The following KALRN variants were observed in gnomAD, a reference collection of about 807,000 sequenced individuals.
The protein encoded by KALRN is kalirin.
In KALRN, 70 loss-of-function variants were observed where a neutral mutation model predicts 353.7. That is an observed-to-expected ratio of 0.20 (90% CI 0.16 to 0.24). The LOEUF is 0.24. KALRN is among the 10% of genes least tolerant of loss of function. KALRN has a pLI of 1.00. For missense variants in KALRN, 2,791 were observed against 3,756.7 expected, an observed-to-expected ratio of 0.74 and a Z score of 6.72; for synonymous variants, 1,391 against 1,434.8, an observed-to-expected ratio of 0.97 and a Z score of 0.69.
At chr3:124,216,415 T>C (rs926733191) in intron 1 of KALRN, among the ~76,000 whole-genome samples, 2 of 152,214 alleles carry the variant, frequency 1.3e-5, no homozygotes, top group African/African-American at 4.8e-5. Flanking sequence ...ATAGATCCCG[T>C]TGAAAATCTG....
chr3:124,198,679 C>A (rs1378208866), intron 1 of KALRN, among the ~76,000 whole-genome samples: 1 of 152,056 alleles, frequency 6.6e-6, no homozygotes, highest in Non-Finnish European at 1.5e-5. Context: ...CCATTCAGCT[C>A]CTATAATTGC....
intron 1 of KALRN, among the ~76,000 whole-genome samples, chr3:124,146,496 A>G (rs2067342661): frequency 6.6e-6 from 1 of 152,190 alleles, no homozygotes; most frequent in Admixed American, 6.5e-5. Context: ...GCTCGAGGAG[A>G]AGCACTGGAC....
chr3:124,431,909 A>G (rs558745426), intron 16 of KALRN, among the ~76,000 whole-genome samples: 1 of 152,348 alleles, frequency 6.6e-6, no homozygotes, highest in Non-Finnish European at 1.5e-5. Context: ...CATTACTAGT[A>G]CTAGAAGAAC....
chr3:124,076,089 A>G (rs2060247173), intron 1 of KALRN, among the ~76,000 whole-genome samples: 1 of 152,216 alleles, frequency 6.6e-6, no homozygotes, highest in African/African-American at 2.4e-5. Flanking sequence ...GACTAAGAGA[A>G]TGGGCTGAAG....
chr3:124,672,004 A>G, intron 48 of KALRN, 106 bp downstream of exon 48: 3 of 852,468 alleles, frequency 3.5e-6, no homozygotes, highest in South Asian at 1.5e-5. Flanking sequence ...GCTGGAGTGC[A>G]ATGGCACCAT....
intron 1 of KALRN, among the ~76,000 whole-genome samples, chr3:124,174,719 C>A (rs557621263): frequency 6.6e-6 from 1 of 152,336 alleles, no homozygotes; most frequent in South Asian, 2.1e-4. Context: ...CTCCTCTCCC[C>A]CTACAGAGCA....
chr3:124,591,141 A>AAG (rs2075729232), intron 34 of KALRN, among the ~76,000 whole-genome samples: 1 of 152,202 alleles, frequency 6.6e-6, no homozygotes, highest in South Asian at 2.1e-4. Context: ...GTCTGCTTTC[A>AAG]AGGGACTCTT....
chr3:124,380,763 G>A (rs2087245065), intron 10 of KALRN, among the ~76,000 whole-genome samples: 1 of 152,142 alleles, frequency 6.6e-6, no homozygotes, highest in Non-Finnish European at 1.5e-5. Flanking sequence ...GTATTGCTTT[G>A]GTAATACTTT....
At chr3:124,383,812 G>A (rs1014351289) in intron 10 of KALRN, among the ~76,000 whole-genome samples, 1 of 152,052 alleles carries the variant, frequency 6.6e-6, no homozygotes, top group African/African-American at 2.4e-5. Flanking sequence ...TTACAGACAC[G>A]GAGACCCTGT....
chr3:124,267,428 GC>G (rs2073691715), intron 4 of KALRN, among the ~76,000 whole-genome samples: 1 of 152,210 alleles, frequency 6.6e-6, no homozygotes, highest in African/African-American at 2.4e-5. Flanking sequence ...TGAGAGCTAT[GC>G]TTTGAGTAGC....
chr3:124,041,206 G>A lies in KALRN; in HGVS notation c.73+7393G>A, dbSNP rs554949270. On this transcript the variant is annotated intron_variant, in intron 1 of 59. Transcript: ENST00000682506. ...GAGGCTGAGAAGGTCAGACAATAGAGCAGGAGGTAAACACTCCATTTTGCT... is the reference window on the plus strand; with the variant it reads ...GAGGCTGAGAAGGTCAGACAATAGAACAGGAGGTAAACACTCCATTTTGCT... 7.9e-5 allele frequency among the ~76,000 whole-genome samples: 12 copies of A among 152,238 alleles called. No homozygotes were observed. The South Asian group carries it at 1.2e-3, about 16-fold the overall frequency.
Position 124,268,799 on chromosome 3 carries a change from G to A in KALRN, c.513G>A (p.Thr171=), listed in dbSNP as rs765186794. 1.5e-5 allele frequency: 25 copies of A among 1,614,034 alleles called. No individual in the cohort carries two copies. The East Asian group carries it at 1.6e-4, about 10-fold the overall frequency. The part of the protein sequence containing the change: ...LTKLVDPSQL[T]EEFDGSLDYN... ...AGCTGGTGGACCCCTCCCAGCTGAC[G>A]GAGGAGTTTGATGGCTCCCTGGACT... is the stretch of plus-strand genomic sequence containing the variant. The change falls in exon 5 of 60, where the codon ACG becomes ACA. Residue 171 remains threonine (T), a synonymous_variant. Transcript: ENST00000682506.
intron 29 of KALRN, among the ~76,000 whole-genome samples, chr3:124,490,448 T>G (rs2063030624): frequency 1.3e-5 from 2 of 152,088 alleles, no homozygotes; most frequent in South Asian, 4.1e-4. Context: ...TTGCAGGAGA[T>G]TCCACTAATA....
chr3:124,635,602 TG>T (rs1224904660), intron 36 of KALRN, among the ~76,000 whole-genome samples: 2 of 152,180 alleles, frequency 1.3e-5, no homozygotes, highest in Non-Finnish European at 2.9e-5. Context: ...CAAATGGAGT[TG>T]GATGTATTAA....
chr3:124,424,245 A>G (rs181206962), intron 15 of KALRN, among the ~76,000 whole-genome samples: 8 of 150,878 alleles, frequency 5.3e-5, no homozygotes, highest in African/African-American at 1.5e-4. Context: ...GCAAAAAACC[A>G]TCTTTCTTTT....
At chr3:124,591,332 C>G (rs1433982037) in intron 34 of KALRN, among the ~76,000 whole-genome samples, 1 of 152,102 alleles carries the variant, frequency 6.6e-6, no homozygotes, top group Non-Finnish European at 1.5e-5. Flanking sequence ...GAGACAAGGC[C>G]TCACTGTGTT....
intron 54 of KALRN, 77 bp from the exon 55 acceptor site, chr3:124,697,516 C>T: frequency 7.1e-7 from 1 of 1,412,024 alleles, no homozygotes; most frequent in Non-Finnish European, 9.5e-7. Flanking sequence ...GGTAATGTTT[C>T]CTAGATGACT....
chr3:124,218,063 C>T lies in KALRN; in HGVS notation c.74-9927C>T, dbSNP rs959206711. ...TGCTCCAGGAGCTGCCTGTGAGGGT[C>T]CTCTGCCCTAAACTCTGTGGTCAGC... On this transcript the variant is annotated intron_variant, in intron 1 of 59. Coordinates refer to ENST00000682506, the MANE Select transcript of KALRN (RefSeq NM_001388419.1). Among the ~76,000 whole-genome samples the T allele has an allele frequency of 1.2e-4, 18 of 152,230 alleles. 1 individual carries two copies. Among genetic ancestry groups the T allele is most frequent in the Non-Finnish European group, 2.4e-4 (16 of 68,016 alleles).
chr3:124,131,927 A>G (rs2065339562), intron 1 of KALRN, among the ~76,000 whole-genome samples: 2 of 152,198 alleles, frequency 1.3e-5, no homozygotes, highest in South Asian at 2.1e-4. Flanking sequence ...AAATGATGTC[A>G]TAAGTCCCTC....
Sources: allele counts gnomAD v4.1 joint callset (sites outside exome capture counted in the v4.1 genomes callset), GRCh38; gene constraint gnomAD v4.1.1; transcripts MANE v1.5; gene names NCBI Gene and HGNC (gene_info 2026-07-23, HGNC 2026-07-21).